NBEAL1: variants seen among roughly 807,000 people sequenced by gnomAD.
NBEAL1 encodes neurobeachin-like protein 1.
A neutral mutation model predicts 351.3 loss-of-function variants in NBEAL1; 273 were observed. The observed-to-expected ratio is 0.78, with a 90% CI of 0.70 to 0.86. The LOEUF is 0.86. NBEAL1 is among the 40% of genes least tolerant of loss of function. NBEAL1 has a pLI of 0.00. For missense variants in NBEAL1, 2,961 were observed against 3,201.3 expected (o/e 0.92, Z 1.81); for synonymous variants, 1,050 against 1,086.4 (o/e 0.97, Z 0.66).
In NBEAL1 at chr2:203,112,103, G is replaced by C; in HGVS notation, c.2202+5G>C. 6.4e-7 allele frequency: 1 copy of C among 1,550,876 alleles called. No homozygotes were observed. ...AGATTTCCTGCCATGAATGAAGTAA[G>C]TATATCCAACCTACTCTTTACGGGC... On this transcript the variant is annotated splice_donor_5th_base_variant and intron_variant, in intron 16 of 55. Transcript: ENST00000683969.
Position 203,104,524 on chromosome 2 carries a change from T to C in NBEAL1, c.1270-2896T>C, listed in dbSNP as rs543517917. ...CACTCTGTGCCTTTTAATTGGGGAA[T>C]TTAGCCCATATACATTCAAGGTTAG... On this transcript the variant is annotated intron_variant, in intron 12 of 55. Coordinates refer to ENST00000683969, the MANE Select transcript of NBEAL1 (RefSeq NM_001378026.1). Among the ~76,000 whole-genome samples the C allele has an allele frequency of 2.6e-4, 39 of 152,334 alleles. No individual in the cohort carries two copies. In the South Asian group the frequency reaches 6.0e-3, roughly 23 times the overall value.
chr2:203,051,810 C>T (rs1298559453), intron 4 of NBEAL1, among the ~76,000 whole-genome samples: 1 of 152,082 alleles, frequency 6.6e-6, no homozygotes, highest in African/African-American at 2.4e-5. Context: ...TCAATAGCTA[C>T]CAGTCACAGA....
At chr2:203,206,538 GC>G (rs2105829612) in intron 51 of NBEAL1, among the ~76,000 whole-genome samples, 1 of 152,180 alleles carries the variant, frequency 6.6e-6, no homozygotes, top group Non-Finnish European at 1.5e-5. Context: ...GCCTCAGCCT[GC>G]CGAGTGCCTG....
At position 203,076,193 on chromosome 2, in the gene NBEAL1, A is replaced by G. The variant is rs116604989; in HGVS notation, c.599-1559A>G. ...GCAGGTGTATCTGTTAAGATGTAGT[A>G]ATGTCCAGGCTTGACGCAGTGGCTC... On this transcript the variant is annotated intron_variant, in intron 7 of 55. Transcript: ENST00000683969. 6.4e-3 allele frequency among the ~76,000 whole-genome samples: 976 copies of G among 152,212 alleles called. 2 individuals carry two copies. The highest frequency in any genetic ancestry group is 0.01 in the Non-Finnish European group (681 of 67,984).
intron 10 of NBEAL1, 112 bp from the exon 11 acceptor site, chr2:203,097,435 G>GA (rs1433220322): frequency 5.1e-6 from 1 of 198,004 alleles, no homozygotes; most frequent in Non-Finnish European, 9.1e-6. Context: ...TTTCACAAGG[G>GA]AATTCTTGGG....
chr2:203,082,775 G>T (rs2106163673), intron 8 of NBEAL1, among the ~76,000 whole-genome samples: 1 of 152,270 alleles, frequency 6.6e-6, no homozygotes, highest in Middle Eastern at 3.4e-3. Context: ...AGAACATCAA[G>T]GACTGAGGTC....
At chr2:203,176,916 C>T (rs1005587791) in intron 42 of NBEAL1, among the ~76,000 whole-genome samples, 20 of 152,032 alleles carry the variant, frequency 1.3e-4, no homozygotes, top group African/African-American at 4.6e-4. Flanking sequence ...CTTTGGGAGG[C>T]CAGGTCAGGT....
chr2:203,089,589 G>A (rs1574953379), intron 10 of NBEAL1, among the ~76,000 whole-genome samples: 1 of 152,208 alleles, frequency 6.6e-6, no homozygotes, highest in East Asian at 1.9e-4. Flanking sequence ...ATAACTAGAG[G>A]CGGGTAGCAT....
chr2:203,040,117 C>T (rs1403770707), intron 2 of NBEAL1: 54 of 1,074,552 alleles, frequency 5.0e-5, no homozygotes, highest in Non-Finnish European at 7.1e-5. Flanking sequence ...GATGGCAGAG[C>T]AAGAGCAAAG....
Position 203,184,898 on chromosome 2 carries a change from A to T in NBEAL1, c.6705+1510A>T, listed in dbSNP as rs879802552. Among the ~76,000 whole-genome samples, 1,087 of 144,786 alleles carry T rather than the reference A, an allele frequency of 7.5e-3. 3 individuals carry two copies. Among genetic ancestry groups the T allele is most frequent in the Non-Finnish European group, 9.2e-3 (604 of 65,520 alleles). 95.0% of individuals were successfully genotyped at this position (144,786 alleles called of 152,430 possible). On this transcript the variant is annotated intron_variant, in intron 44 of 55. Coordinates refer to ENST00000683969, the MANE Select transcript of NBEAL1 (RefSeq NM_001378026.1). ...GCAATATAGCAAGACCCTGTATTTAAAAAAAAAAAAAAAAAGTTTATTTGG... is the reference window on the plus strand; with the variant it reads ...GCAATATAGCAAGACCCTGTATTTATAAAAAAAAAAAAAAAGTTTATTTGG...
chr2:203,038,038 G>T (rs1462162278), intron 2 of NBEAL1, among the ~76,000 whole-genome samples: 1 of 149,116 alleles, frequency 6.7e-6, no homozygotes, highest in African/African-American at 2.4e-5. Flanking sequence ...TTGCTCAATA[G>T]ATTTTTGAAA....
Position 203,126,828 on chromosome 2 carries a change from C to T in NBEAL1, c.3150C>T (p.His1050=). Residue 1050 remains histidine, a synonymous_variant, in exon 23 of 56, where the codon CAC becomes CAT. Coordinates refer to ENST00000683969, the MANE Select transcript of NBEAL1 (RefSeq NM_001378026.1). The stretch of plus-strand genomic sequence containing the variant: ...CCATTGAACTTTTTATTTTAGGTCA[C>T]ATACAGTATCTTTCAACCATCATTA... ...NRGDFPFRIG[H]IQYLSTIIKD... is the part of the protein sequence containing the mutation. 1 of 1,551,120 alleles carries T rather than the reference C, an allele frequency of 6.4e-7. No homozygotes were observed. The highest frequency in any genetic ancestry group is 8.7e-7 in the Non-Finnish European group (1 of 1,146,652).
chr2:203,092,845 T>C (rs553415126), intron 10 of NBEAL1, among the ~76,000 whole-genome samples: 20 of 152,264 alleles, frequency 1.3e-4, no homozygotes, highest in African/African-American at 4.8e-4. Context: ...CAGTAAAGAA[T>C]AGCATCAAAA....
chr2:203,163,428 T>C (rs2064030728), intron 36 of NBEAL1, among the ~76,000 whole-genome samples: 1 of 152,046 alleles, frequency 6.6e-6, no homozygotes, highest in Admixed American at 6.6e-5. Flanking sequence ...ATAAAAATAA[T>C]TTTATATTCT....
At chr2:203,192,992 G>C (rs12477308) in intron 46 of NBEAL1, among the ~76,000 whole-genome samples, 31,440 of 90,970 alleles carry the variant, frequency 0.35, 4,870 homozygotes, top group East Asian at 0.64. Context: ...TTTTTTTTGA[G>C]ATGGAGTCTT....
intron 15 of NBEAL1, among the ~76,000 whole-genome samples, 177 bp from the exon 16 acceptor site, chr2:203,111,802 A>G (rs1185420426): frequency 6.6e-6 from 1 of 152,260 alleles, no homozygotes; most frequent in Non-Finnish European, 1.5e-5. Context: ...GAATATGCTT[A>G]CGTGCTTTTG....
intron 3 of NBEAL1, among the ~76,000 whole-genome samples, chr2:203,047,466 G>A (rs1211281653): frequency 6.6e-6 from 1 of 151,936 alleles, no homozygotes; most frequent in Non-Finnish European, 1.5e-5. Context: ...TAAGATGTTG[G>A]CCCCTTCAGT....
In NBEAL1 at chr2:203,138,679, A is replaced by G. The variant is rs753612995; in HGVS notation, c.4779A>G (p.Pro1593=). 36 of 1,613,418 alleles carry G rather than the reference A, an allele frequency of 2.2e-5. No individual in the cohort carries two copies. The Middle Eastern group carries it at 1.2e-3, about 52-fold the overall frequency. ...TGTCAGTCTGCTATTCTGAAAGTCC[A>G]GTATGGGTAAAACTCTCTCAAATTC... The part of the protein sequence containing the change: ...DCLSVCYSES[P]VWVKLSQIQI... The change falls in exon 31 of 56, where the codon CCA becomes CCG. Residue 1593 remains proline (P), a synonymous_variant. Coordinates refer to ENST00000683969, the MANE Select transcript of NBEAL1 (RefSeq NM_001378026.1).
chr2:203,049,293 G>A (rs1212884717), intron 3 of NBEAL1, among the ~76,000 whole-genome samples: 7 of 152,090 alleles, frequency 4.6e-5, no homozygotes, highest in Non-Finnish European at 1.0e-4. Context: ...TCCTAACCTC[G>A]TGATCCACCC....
Sources: allele counts gnomAD v4.1 joint callset (sites outside exome capture counted in the v4.1 genomes callset), GRCh38; gene constraint gnomAD v4.1.1; transcripts MANE v1.5; gene names NCBI Gene and HGNC (gene_info 2026-07-23, HGNC 2026-07-21).